The following MEF2B variants were observed in gnomAD, a reference collection of about 807,000 sequenced individuals.
MEF2B encodes myocyte-specific enhancer factor 2B.
MEF2B carries 15 observed loss-of-function variants against 32.2 expected under a neutral mutation model. That is an observed-to-expected ratio of 0.47 (90% confidence interval 0.31 to 0.72). MEF2B has a LOEUF of 0.72. Ranked by LOEUF, MEF2B falls within the 30% of genes least tolerant of loss-of-function variation. The pLI, the probability that MEF2B is intolerant of heterozygous loss-of-function variation, is 0.05. For synonymous variants in MEF2B, 205 were observed against 225.6 expected (o/e 0.91, Z 0.82); for missense variants, 441 against 511.5 (o/e 0.86, Z 1.33).
At chr19:19,157,067 G>T in intron 1 of MEF2B, 2 of 245,622 alleles carry the variant, frequency 8.1e-6, no homozygotes, top group Non-Finnish European at 9.0e-6. Context: ...GGAGGATTCT[G>T]TGAGCCCAGG....
Position 19,155,577 on chromosome 19 carries a change from C to T in MEF2B, c.-29-4813G>A, listed in dbSNP as rs760448175. Among the ~76,000 whole-genome samples the T allele has an allele frequency of 1.2e-3, 178 of 152,344 alleles. 4 individuals are homozygous for T. In the Middle Eastern group the frequency reaches 0.024, roughly 20 times the overall value. ...CCTCAACAACTTCCTCTCAGACTGC[C>T]CCAGCTGATACCCTGCCCAGAAATA... On this transcript the variant is annotated intron_variant, in intron 1 of 8. Transcript: ENST00000424583.
chr19:19,159,581 GA>G (rs1049107401), intron 1 of MEF2B, among the ~76,000 whole-genome samples: 2 of 152,196 alleles, frequency 1.3e-5, no homozygotes, highest in Non-Finnish European at 1.5e-5. Flanking sequence ...AAGGGTGCAG[GA>G]TGTGCTGGTG....
At chr19:19,151,147 G>A (rs775989834) in intron 1 of MEF2B, among the ~76,000 whole-genome samples, 90 of 152,316 alleles carry the variant, frequency 5.9e-4, no homozygotes, top group African/African-American at 1.3e-3. Context: ...CAGGTACTCC[G>A]GTGGCTGAAG....
At chr19:19,156,329 T>C (rs2146368051) in intron 1 of MEF2B, among the ~76,000 whole-genome samples, 1 of 151,736 alleles carries the variant, frequency 6.6e-6, no homozygotes, top group East Asian at 1.9e-4. Flanking sequence ...GAGGCCGAGG[T>C]GGGAGGATTG....
rs866835871 is a variant in MEF2B at position 19,150,262 on chromosome 19, G to A, written c.54+420C>T. On this transcript the variant is annotated intron_variant, in intron 2 of 8. Coordinates refer to ENST00000424583, the MANE Select transcript of MEF2B (RefSeq NM_001145785.2). ...AAACACTGACAGACCAGGCGCGGTG[G>A]CTCACGCCTGTAATCCCAGCACTTT... Among the ~76,000 whole-genome samples, 29 of 151,552 alleles carry A rather than the reference G, an allele frequency of 1.9e-4. 1 individual carries two copies. In the Middle Eastern group the frequency reaches 0.024, roughly 124 times the overall value.
chr19:19,169,582 A>AC (rs2060236591), intron 1 of MEF2B, among the ~76,000 whole-genome samples: 1 of 152,014 alleles, frequency 6.6e-6, no homozygotes, highest in African/African-American at 2.4e-5. Flanking sequence ...GCAGCCCTGG[A>AC]CCCCAAAAGA....
At chr19:19,152,636 G>A (rs553172255) in intron 1 of MEF2B, among the ~76,000 whole-genome samples, 5 of 152,316 alleles carry the variant, frequency 3.3e-5, no homozygotes, top group Admixed American at 6.5e-5. Context: ...CCTGGGAGGC[G>A]GAGGTTGCAG....
chr19:19,146,311 C>G lies in MEF2B; in HGVS notation c.843G>C (p.Ser281=), dbSNP rs2146349607. 1 of 1,320,752 alleles carries G rather than the reference C, an allele frequency of 7.6e-7. No homozygotes were observed. Among genetic ancestry groups the G allele is most frequent in the East Asian group, 3.0e-5 (1 of 33,484 alleles). 81.8% of individuals were successfully genotyped at this position (1,320,752 alleles called of 1,614,324 possible). ...QPPTLAPWQP[S]RGDGPPAVSS... is the part of the protein sequence containing the mutation. ...ACACGGCGGGGGGCCCATCACCCCT[C>G]GAGGGCTGCCAGGGGGCCAGGGTGG... The change falls in exon 8 of 9, where the codon TCG becomes TCC. Residue 281 remains serine (S), a synonymous_variant. Transcript: ENST00000424583.
At chr19:19,147,233 G>A (rs2146352480) in intron 4 of MEF2B, 50 bp from the exon 5 acceptor site, 2 of 694,804 alleles carry the variant, frequency 2.9e-6, no homozygotes, top group Admixed American at 6.0e-5. Context: ...AGATGGGGGT[G>A]CCAAGTCCAA....
chr19:19,170,064 A>C, intron 1 of MEF2B, 141 bp downstream of exon 1: 1 of 396,896 alleles, frequency 2.5e-6, no homozygotes, highest in East Asian at 3.6e-5. Context: ...TCGGGGACTC[A>C]CCACCCCACG....
intron 1 of MEF2B, among the ~76,000 whole-genome samples, chr19:19,162,706 C>T (rs1041502811): frequency 1.1e-4 from 16 of 152,156 alleles, no homozygotes; most frequent in African/African-American, 2.9e-4. Context: ...CAGGAGTCCA[C>T]GGTGAGTGGG....
chr19:19,161,788 A>G (rs1599732831), intron 1 of MEF2B, among the ~76,000 whole-genome samples: 1 of 134,796 alleles, frequency 7.4e-6, no homozygotes, highest in Non-Finnish European at 1.6e-5. Flanking sequence ...GATACCACCC[A>G]CACTCTAGCT....
chr19:19,146,370 C>T lies in MEF2B; in HGVS notation c.784G>A (p.Asp262Asn). The T allele has an allele frequency of 9.0e-7, 1 of 1,117,202 alleles. No homozygotes were observed. The highest frequency in any genetic ancestry group is 1.2e-6 in the Non-Finnish European group (1 of 829,860). 69.2% of individuals were successfully genotyped at this position (1,117,202 alleles called of 1,614,324 possible). A position where few individuals can be genotyped will look rare whatever the true frequency, so the allele number is the denominator to read the frequency against. The change falls in exon 8 of 9, where the codon GAC becomes AAC. Residue 262 changes from aspartate to asparagine, a missense_variant. Physicochemically the swap from Asp to Asn is conservative, Grantham distance 23 (BLOSUM62 1). Around this residue, in one of 2 missense-constraint regions of MEF2B, gnomAD observed 326 missense variants for 328.4 expected, o/e 0.99. Transcript: ENST00000424583. ...PGGPPEYGLG[D>N]PPPPPGLLQP... ...AACAAGCCAGGGGGCGGTGGAGGGTCTCCCAGGCCATATTCTGGTGGGCAG... is the reference window on the plus strand; with the variant it reads ...AACAAGCCAGGGGGCGGTGGAGGGTTTCCCAGGCCATATTCTGGTGGGCAG...
chr19:19,149,529 C>T (rs771897073), intron 2 of MEF2B, 100 bp from the exon 3 acceptor site: 128 of 1,471,878 alleles, frequency 8.7e-5, no homozygotes, highest in Non-Finnish European at 9.8e-5. Flanking sequence ...TCGAACATGC[C>T]TCAGGATTCT....
chr19:19,145,725 A>G lies in MEF2B; in HGVS notation c.*72T>C. ...TTGGGTCTTCTCTGAAGAGGCCTGG[A>G]GGGAGGTGGGGTCCCCACGTGCCCT... On this transcript the variant is annotated 3_prime_UTR_variant, in exon 9 of 9. Coordinates refer to ENST00000424583, the MANE Select transcript of MEF2B (RefSeq NM_001145785.2). This position sits in a 1 kb window ranked among gnomAD's most constrained non-coding sequence, Gnocchi z 4.6. 1 of 1,557,130 alleles carries G rather than the reference A, an allele frequency of 6.4e-7. No homozygotes were observed. Among genetic ancestry groups the G allele is most frequent in the Non-Finnish European group, 8.7e-7 (1 of 1,150,694 alleles).
intron 1 of MEF2B, among the ~76,000 whole-genome samples, chr19:19,152,395 AAAAG>A (rs1285375951): frequency 7.5e-4 from 113 of 150,388 alleles, no homozygotes; most frequent in Admixed American, 1.9e-3. Context: ...AAAAAAAAGA[AAAAG>A]AAAAAGAAAA....
intron 3 of MEF2B, among the ~76,000 whole-genome samples, chr19:19,148,285 A>AAG (rs2146354262): frequency 6.6e-6 from 1 of 152,316 alleles, no homozygotes; most frequent in East Asian, 1.9e-4. Flanking sequence ...CCAACATGGT[A>AAG]AGACCTCCAT....
At chr19:19,150,154 A>AGGAGGGAGGGAGGGAAGGAG (rs1568547507) in intron 2 of MEF2B, among the ~76,000 whole-genome samples, 1 of 112,326 alleles carries the variant, frequency 8.9e-6, no homozygotes, top group African/African-American at 3.5e-5. Context: ...GAGGGAGGGA[A>AGGAGGGAGGGAGGGAAGGAG]GGAGGGAGGG....
chr19:19,150,650 T>C, intron 2 of MEF2B, 32 bp downstream of exon 2: 1 of 1,613,898 alleles, frequency 6.2e-7, no homozygotes, highest in Non-Finnish European at 8.5e-7. Context: ...AGGAATGTCT[T>C]TCCCAGCCAC....
Sources: gnomAD v4.1 joint callset for allele counts (sites outside exome capture counted in the v4.1 genomes callset) on GRCh38, gnomAD v4.1.1 for gene constraint, gnomAD v4.1.1 regional missense constraint, Gnocchi (gnomAD v3.1) non-coding constraint, MANE v1.5 for transcripts, NCBI Gene and HGNC (gene_info 2026-07-23, HGNC 2026-07-21) for gene names.